The following KANSL2 variants were observed in gnomAD, a reference collection of about 807,000 sequenced individuals.
KANSL2 encodes NSL complex protein NSL2.
KANSL2 carries 34 observed loss-of-function variants against 55.6 expected under a neutral mutation model. The ratio of observed to expected loss-of-function variants is 0.61; its 90% confidence interval spans 0.46 to 0.81. The LOEUF (loss-of-function observed/expected upper bound fraction) is 0.81, where lower values mean the gene tolerates loss of function less well. Among genes scored for constraint, KANSL2 ranks in the 40% least tolerant of loss-of-function variants. The pLI, the probability that KANSL2 is intolerant of heterozygous loss-of-function variation, is 0.00. For synonymous variants in KANSL2, 209 were observed against 214.3 expected (o/e 0.98, Z 0.22); for missense variants, 502 against 609.9 (o/e 0.82, Z 1.86).
chr12:48,681,796 C>A (rs948188424), intron 1 of KANSL2, 155 bp from the exon 2 acceptor site: 2 of 906,202 alleles, frequency 2.2e-6, no homozygotes, highest in Non-Finnish European at 3.5e-6. Flanking sequence ...TCTCCACAGG[C>A]ATCTGTGGCT....
intron 7 of KANSL2, among the ~76,000 whole-genome samples, chr12:48,663,128 C>T (rs1460686436): frequency 1.3e-5 from 2 of 152,180 alleles, no homozygotes; most frequent in African/African-American, 4.8e-5. Flanking sequence ...TACCTATTCT[C>T]CAGCTCTAAA....
intron 5 of KANSL2, 111 bp from the exon 6 acceptor site, chr12:48,669,383 A>G (rs1393133525): frequency 1.3e-6 from 1 of 758,378 alleles, no homozygotes; most frequent in African/African-American, 1.8e-5. Context: ...CAGTTTCAAA[A>G]GCAAATGACC....
chr12:48,656,902 CT>C (rs1939394805), intron 8 of KANSL2: 2 of 339,612 alleles, frequency 5.9e-6, no homozygotes, highest in African/African-American at 2.2e-5. Context: ...TTGTACCCCC[CT>C]ATGTTTAATC....
At chr12:48,661,889 C>A (rs1048355090) in intron 7 of KANSL2, among the ~76,000 whole-genome samples, 11 of 152,104 alleles carry the variant, frequency 7.2e-5, no homozygotes, top group Non-Finnish European at 1.2e-4. Flanking sequence ...ACATTGCCAA[C>A]TGGAAAACAA....
intron 7 of KANSL2, among the ~76,000 whole-genome samples, chr12:48,661,692 A>G (rs1025084795): frequency 9.2e-5 from 14 of 152,166 alleles, no homozygotes; most frequent in African/African-American, 3.4e-4. Flanking sequence ...GAATAAAGCT[A>G]TTTCTTTCAA....
chr12:48,669,836 G>T (rs1472694123), intron 5 of KANSL2, among the ~76,000 whole-genome samples: 1 of 151,980 alleles, frequency 6.6e-6, no homozygotes, highest in Non-Finnish European at 1.5e-5. Flanking sequence ...ATTGCCTAGT[G>T]ACATCATAGT....
intron 4 of KANSL2, among the ~76,000 whole-genome samples, chr12:48,672,427 A>AT (rs1178882750): frequency 1.4e-4 from 15 of 107,798 alleles, no homozygotes; most frequent in South Asian, 5.3e-4. Flanking sequence ...ATATATATAT[A>AT]TATATATTTT....
intron 8 of KANSL2, among the ~76,000 whole-genome samples, chr12:48,659,679 C>T (rs1939453398): frequency 6.6e-6 from 1 of 151,696 alleles, no homozygotes; most frequent in Admixed American, 6.6e-5. Flanking sequence ...CTCATGCCAC[C>T]GACAGAAACT....
chr12:48,667,302 A>C (rs1939619071), intron 7 of KANSL2, among the ~76,000 whole-genome samples: 1 of 152,186 alleles, frequency 6.6e-6, no homozygotes, highest in Non-Finnish European at 1.5e-5. Context: ...ACCCACAGTA[A>C]TTTTTTAAGT....
intron 8 of KANSL2, among the ~76,000 whole-genome samples, chr12:48,657,805 C>T (rs1293892891): frequency 6.6e-6 from 1 of 152,116 alleles, no homozygotes; most frequent in Non-Finnish European, 1.5e-5. Context: ...TTGGTAGAGA[C>T]GGAGTTTCAC....
intron 8 of KANSL2, among the ~76,000 whole-genome samples, chr12:48,656,279 T>G (rs562983004): frequency 5.2e-4 from 70 of 133,812 alleles, no homozygotes; most frequent in South Asian, 1.5e-3. Context: ...TTTGTTTTGT[T>G]TTTTTTTTTT....
intron 4 of KANSL2, among the ~76,000 whole-genome samples, chr12:48,675,000 T>TA (rs1253389017): frequency 6.8e-6 from 1 of 147,946 alleles, no homozygotes; most frequent in Non-Finnish European, 1.5e-5. Context: ...ATAAAATTAA[T>TA]AAAAAATAAA....
chr12:48,661,284 A>G, intron 7 of KANSL2: 1 of 702,310 alleles, frequency 1.4e-6, no homozygotes, highest in Non-Finnish European at 1.7e-6. Context: ...GGCCCATTGA[A>G]AAAAAAAAGT....
Position 48,660,702 on chromosome 12 carries a change from C to CA in KANSL2, c.974-84dup, listed in dbSNP as rs1465093050. 7.1e-5 allele frequency: 100 copies of CA among 1,399,964 alleles called. 1 individual carries two copies. In the African/African-American group the frequency reaches 1.2e-3, roughly 17 times the overall value. 86.7% of individuals were successfully genotyped at this position (1,399,964 alleles called of 1,614,324 possible). A position where few individuals can be genotyped will look rare whatever the true frequency, so the allele number is the denominator to read the frequency against. ...ATAGCATTGTCTGCCACATAAAACTCAAGGTGTGGACTATATAAGATAAAT... is the reference window on the plus strand; with the variant it reads ...ATAGCATTGTCTGCCACATAAAACTCAAAGGTGTGGACTATATAAGATAAAT... On this transcript the variant is annotated intron_variant, in intron 7 of 9. Coordinates refer to ENST00000420613, the MANE Select transcript of KANSL2 (RefSeq NM_017822.4).
At chr12:48,675,616 A>T (rs576537014) in intron 4 of KANSL2, among the ~76,000 whole-genome samples, 1 of 152,354 alleles carries the variant, frequency 6.6e-6, no homozygotes, top group East Asian at 1.9e-4. Flanking sequence ...TCAGAAGAGA[A>T]TTTAACCAAT....
chr12:48,660,661 A>G (rs1592098584), intron 7 of KANSL2, 42 bp from the exon 8 acceptor site: 1 of 1,580,090 alleles, frequency 6.3e-7, no homozygotes, highest in South Asian at 1.2e-5. Flanking sequence ...CAATCTATCG[A>G]AAGCATAAAA....
rs117855936 is a variant in KANSL2, at chr12:48,659,278, A to C, written c.1227+1088T>G. Among the ~76,000 whole-genome samples the C allele has an allele frequency of 3.0e-4, 46 of 151,290 alleles. No homozygotes were observed. The East Asian group carries it at 9.0e-3, about 30-fold the overall frequency. On this transcript the variant is annotated intron_variant, in intron 8 of 9. Coordinates refer to ENST00000420613, the MANE Select transcript of KANSL2 (RefSeq NM_017822.4). The stretch of plus-strand genomic sequence containing the variant: ...CACTGCACTCCAGCTTGAACAACAG[A>C]ACAAGACTCAGTCTAAAAAAAAAAA...
chr12:48,667,454 G>A (rs751593706), intron 7 of KANSL2: 1 of 614,588 alleles, frequency 1.6e-6, no homozygotes, highest in East Asian at 3.4e-5. Flanking sequence ...TATGAAAAAC[G>A]ACTCATGTTT....
chr12:48,679,144 T>A lies in KANSL2; in HGVS notation c.437A>T (p.Asp146Val), dbSNP rs1389012018. ...RSEASRILDE[D>V]SWSDGEQEPI... ...TTCCTGCTCCCCATCACTCCAGCTG[T>A]CTTCATCTGAGGCAAGGAAGGGAGA... Residue 146 changes from aspartate (D) to valine (V), a missense_variant, in exon 4 of 10, where the codon GAC (aspartate) becomes GTC (valine). Coordinates refer to ENST00000420613, the MANE Select transcript of KANSL2 (RefSeq NM_017822.4). The A allele has an allele frequency of 2.5e-6, 4 of 1,612,162 alleles. No individual in the cohort carries two copies. In the South Asian group the frequency reaches 4.4e-5, roughly 18 times the overall value.
Sources: gnomAD v4.1 joint callset for allele counts (sites outside exome capture counted in the v4.1 genomes callset) on GRCh38, gnomAD v4.1.1 for gene constraint, MANE v1.5 for transcripts, NCBI Gene and HGNC (gene_info 2026-07-23, HGNC 2026-07-21) for gene names.